ABCC11: variants seen among roughly 807,000 people sequenced by gnomAD.
ABCC11 encodes the protein ATP-binding cassette sub-family C member 11.
ABCC11 carries 135 observed loss-of-function variants against 149.3 expected under a neutral mutation model. The observed-to-expected ratio is 0.90, with a 90% CI of 0.79 to 1.04. The LOEUF is 1.04. ABCC11 is among the 50% of genes least tolerant of loss of function. ABCC11 has a pLI of 0.00. For missense variants in ABCC11, 1,680 were observed against 1,722.1 expected (o/e 0.98, Z 0.43); for synonymous variants, 665 against 671.4 (o/e 0.99, Z 0.15).
chr16:48,196,713 A>G (rs145673550), intron 17 of ABCC11, among the ~76,000 whole-genome samples: 61 of 152,366 alleles, frequency 4.0e-4, no homozygotes, highest in African/African-American at 1.3e-3. Context: ...CGGAAAGCCG[A>G]GAAGTTTGCT....
At chr16:48,203,491 A>C (rs1968176571) in intron 13 of ABCC11, among the ~76,000 whole-genome samples, 191 bp from the exon 14 acceptor site, 1 of 152,154 alleles carries the variant, frequency 6.6e-6, no homozygotes, top group African/African-American at 2.4e-5. Flanking sequence ...ACACACTCTT[A>C]GTAAATATTT....
intron 3 of ABCC11, among the ~76,000 whole-genome samples, chr16:48,229,028 G>C (rs547670886): frequency 1.5e-3 from 224 of 152,166 alleles, no homozygotes; most frequent in African/African-American, 5.1e-3. Context: ...TTTCTTTTGG[G>C]GGGTAGGGGA....
intron 12 of ABCC11, 147 bp from the exon 13 acceptor site, chr16:48,205,684 C>G: frequency 9.4e-7 from 1 of 1,061,722 alleles, no homozygotes; most frequent in Non-Finnish European, 1.3e-6. Flanking sequence ...GTGGCCCTAC[C>G]AGGCCCACCA....
rs953387926 is a variant in ABCC11 at position 48,193,939 on chromosome 16, G to A, written c.2448C>T (p.Ile816=). The A allele has an allele frequency of 1.4e-5, 22 of 1,613,866 alleles. No homozygotes were observed. Among genetic ancestry groups the A allele is most frequent in the Non-Finnish European group, 1.9e-5 (22 of 1,179,916 alleles). ...AGAAGCTGAAGATCGTTAAGAAGACGATCAGCACCACGAAGAAGAAAATTA... is the reference window on the plus strand; with the variant it reads ...AGAAGCTGAAGATCGTTAAGAAGACAATCAGCACCACGAAGAAGAAAATTA... ...SCIIFFFVVL[I]VFLTIFSFWW... The change falls in exon 19 of 30, where the codon ATC becomes ATT. Residue 816 remains isoleucine, a synonymous_variant. Transcript: ENST00000356608.
intron 8 of ABCC11, 25 bp downstream of exon 8, chr16:48,215,172 G>A (rs1315259038): frequency 6.2e-7 from 1 of 1,601,280 alleles, no homozygotes; most frequent in South Asian, 1.1e-5. Flanking sequence ...ACCAGGTTTG[G>A]AGCAGAAAGT....
Position 48,170,181 on chromosome 16 carries a change from A to G in ABCC11, c.3815T>C (p.Val1272Ala). 6.2e-7 allele frequency: 1 copy of G among 1,614,100 alleles called. No individual in the cohort carries two copies. Among genetic ancestry groups the G allele is most frequent in the Non-Finnish European group, 8.5e-7 (1 of 1,179,972 alleles). The change falls in exon 28 of 30, where the codon GTG (valine) becomes GCG (alanine). Residue 1272 changes from valine (V) to alanine (A), a missense_variant. Transcript: ENST00000356608. The part of the protein sequence containing the change: ...KFPKKLHTDV[V>A]ENGGNFSVGE... ...CACAGAGAAGTTTCCACCGTTTTCC[A>G]CCACATCTGTATGCAGCTTTTTGGG...
At chr16:48,231,963 T>A (rs780815359) in intron 1 of ABCC11, 24 bp from the exon 2 acceptor site, 1 of 1,613,220 alleles carries the variant, frequency 6.2e-7, no homozygotes, top group Non-Finnish European at 8.5e-7. Flanking sequence ...AATCAGAGAA[T>A]ATGAAAAGAC....
intron 26 of ABCC11, among the ~76,000 whole-genome samples, chr16:48,174,930 G>A (rs1037903714): frequency 6.6e-6 from 1 of 152,192 alleles, no homozygotes; most frequent in African/African-American, 2.4e-5. Flanking sequence ...CTGAGCTCCT[G>A]GGCTCAAGTG....
intron 24 of ABCC11, 47 bp downstream of exon 24, chr16:48,178,550 C>T (rs201737468): frequency 1.9e-5 from 30 of 1,584,956 alleles, no homozygotes; most frequent in Non-Finnish European, 2.5e-5. Flanking sequence ...AGAAGTCATG[C>T]CCCAACTTGC....
Position 48,208,476 on chromosome 16 carries a change from G to A in ABCC11, c.1629C>T (p.Cys543=), listed in dbSNP as rs1332203070. The A allele has an allele frequency of 5.6e-6, 9 of 1,613,992 alleles. No individual in the cohort carries two copies. Among genetic ancestry groups the A allele is most frequent in the African/African-American group, 5.3e-5 (4 of 74,922 alleles). The change falls in exon 12 of 30, where the codon TGC becomes TGT. Residue 543 remains cysteine (C), a synonymous_variant. Coordinates refer to ENST00000356608, the MANE Select transcript of ABCC11 (RefSeq NM_001370497.1). ...VVSKGMMLGV[C]GNTGSGKSSL... ...TGCTCTTACCACTCCCCGTGTTGCCGCAGACCCCTAACATCATCCCCTGCA... is the reference window on the plus strand; with the variant it reads ...TGCTCTTACCACTCCCCGTGTTGCCACAGACCCCTAACATCATCCCCTGCA...
At chr16:48,182,245 C>G (rs1277829106) in intron 23 of ABCC11, among the ~76,000 whole-genome samples, 1 of 152,234 alleles carries the variant, frequency 6.6e-6, no homozygotes, top group Non-Finnish European at 1.5e-5. Flanking sequence ...CATACATGCA[C>G]TCCTACACAT....
Position 48,210,755 on chromosome 16 carries a change from G to A in ABCC11, c.1608+193C>T, listed in dbSNP as rs937510574. On this transcript the variant is annotated intron_variant, in intron 11 of 29. Transcript: ENST00000356608. ...TACCTAAGCCAAAAAAATTTTAAATGATAGATTAATTCACATTAAAAAATG... is the reference window on the plus strand; with the variant it reads ...TACCTAAGCCAAAAAAATTTTAAATAATAGATTAATTCACATTAAAAAATG... The A allele has an allele frequency of 1.8e-4, 146 of 830,794 alleles. No homozygotes were observed. In the African/African-American group the frequency reaches 2.3e-3, roughly 13 times the overall value. 51.5% of individuals were successfully genotyped at this position (830,794 alleles called of 1,614,324 possible).
intron 1 of ABCC11, among the ~76,000 whole-genome samples, chr16:48,239,194 G>T (rs1487394863): frequency 2.6e-5 from 4 of 152,066 alleles, no homozygotes; most frequent in Admixed American, 1.3e-4. Flanking sequence ...GCAGAAAATT[G>T]AAACTGGACC....
At position 48,202,812 on chromosome 16, in the gene ABCC11, C is replaced by T. The variant is rs115026665; in HGVS notation, c.1878+416G>A. ...TGCCACTTTTATCTCGGGTGAGGGT[C>T]GTATGTGTATTAAGGTGGCTGCAGA... On this transcript the variant is annotated intron_variant, in intron 14 of 29. Transcript: ENST00000356608. Among the ~76,000 whole-genome samples the T allele has an allele frequency of 3.1e-4, 47 of 151,960 alleles. 1 individual carries two copies. The highest frequency in any genetic ancestry group is 1.1e-3 in the African/African-American group (46 of 41,440).
chr16:48,207,149 C>A (rs989888266), intron 12 of ABCC11, among the ~76,000 whole-genome samples: 2 of 151,858 alleles, frequency 1.3e-5, no homozygotes, highest in Non-Finnish European at 1.5e-5. Context: ...AAACTTCTCC[C>A]AGTGTTGGGG....
At chr16:48,208,320 C>A (rs1010863019) in intron 12 of ABCC11, 105 bp downstream of exon 12, 3 of 1,247,958 alleles carry the variant, frequency 2.4e-6, no homozygotes, top group Non-Finnish European at 3.5e-6. Flanking sequence ...CTTGCTCAGA[C>A]CCCTGTGAGG....
intron 11 of ABCC11, 123 bp from the exon 12 acceptor site, chr16:48,208,619 G>T: frequency 1.0e-6 from 1 of 1,002,978 alleles, no homozygotes; most frequent in Non-Finnish European, 1.5e-6. Context: ...ACCACACAGA[G>T]CCCAAGACTC....
chr16:48,213,570 G>A lies in ABCC11; in HGVS notation c.1249-20C>T, dbSNP rs752503701. On this transcript the variant is annotated intron_variant, in intron 9 of 29. Transcript: ENST00000356608. Reference sequence around the variant, plus strand: ...GAAGGCCTGGATAAGAAGGGGAGGAGGTGGTGAGGGTCGTGGCCCTTCCTG... The same window carrying A: ...GAAGGCCTGGATAAGAAGGGGAGGAAGTGGTGAGGGTCGTGGCCCTTCCTG... The A allele has an allele frequency of 6.3e-7, 1 of 1,590,512 alleles. No homozygotes were observed. The highest frequency in any genetic ancestry group is 1.8e-5 in the Admixed American group (1 of 56,736).
chr16:48,187,231 A>T lies in ABCC11; in HGVS notation c.2903T>A (p.Ile968Lys). 1 of 1,614,164 alleles carries T rather than the reference A, an allele frequency of 6.2e-7. No homozygotes were observed. Among genetic ancestry groups the T allele is most frequent in the Non-Finnish European group, 8.5e-7 (1 of 1,180,038 alleles). ...LSPYILLMGA[I>K]IMVICFIYYM... ...ATAAATGAAGCAAATAACCATGATT[A>T]TGGCTCCCATTAACAGGATATATGG... is the stretch of plus-strand genomic sequence containing the variant. Residue 968 changes from isoleucine (I) to lysine (K), a missense_variant, in exon 21 of 30, where the codon ATA (isoleucine) becomes AAA (lysine). Transcript: ENST00000356608.
Sources: gnomAD v4.1 joint callset for allele counts (sites outside exome capture counted in the v4.1 genomes callset) on GRCh38, gnomAD v4.1.1 for gene constraint, MANE v1.5 for transcripts, NCBI Gene and HGNC (gene_info 2026-07-23, HGNC 2026-07-21) for gene names.